Variants in LOC128706666 observed in about 807,000 individuals in gnomAD.
chr20:10,421,694 A>C, the LOC128706666 span, among the ~76,000 whole-genome samples: 3 of 151,996 alleles, frequency 2.0e-5, no homozygotes, highest in Admixed American at 2.0e-4. Flanking sequence ...GAAAACCCTA[A>C]CTTACAGGGT....
At chr20:10,418,965 C>T in the LOC128706666 span, among the ~76,000 whole-genome samples, 1 of 152,036 alleles carries the variant, frequency 6.6e-6, no homozygotes, top group Non-Finnish European at 1.5e-5. Context: ...TGTTAAGCTT[C>T]TATGTTACTA....
chr20:10,415,107 AG>A, the LOC128706666 span, among the ~76,000 whole-genome samples: 2 of 152,348 alleles, frequency 1.3e-5, no homozygotes, highest in East Asian at 3.9e-4. Context: ...GCTAAAAAAA[AG>A]TGTGCCTTGA....
the LOC128706666 span, among the ~76,000 whole-genome samples, chr20:10,423,317 G>A: frequency 2.0e-5 from 3 of 152,244 alleles, no homozygotes; most frequent in South Asian, 2.1e-4. Context: ...TGCGTGGGGG[G>A]TGCTGAGGTA....
At chr20:10,432,239 T>C in the LOC128706666 span, among the ~76,000 whole-genome samples, 22 of 152,360 alleles carry the variant, frequency 1.4e-4, no homozygotes, top group Non-Finnish European at 2.5e-4. Flanking sequence ...GAGAACATCC[T>C]TGAGACTTCA....
At chr20:10,427,579 T>C in the LOC128706666 span, among the ~76,000 whole-genome samples, 1 of 152,136 alleles carries the variant, frequency 6.6e-6, no homozygotes, top group Non-Finnish European at 1.5e-5. Context: ...CAAAAGTTAT[T>C]TTTTATCCTC....
At chr20:10,418,169 A>G in the LOC128706666 span, among the ~76,000 whole-genome samples, 1 of 152,242 alleles carries the variant, frequency 6.6e-6, no homozygotes, top group African/African-American at 2.4e-5. Context: ...ATACAAAAGG[A>G]CTACATAGTG....
the LOC128706666 span, among the ~76,000 whole-genome samples, chr20:10,423,075 A>G: frequency 6.6e-6 from 1 of 152,106 alleles, no homozygotes; most frequent in Non-Finnish European, 1.5e-5. Flanking sequence ...CATGATCATT[A>G]ACATAATTCA....
chr20:10,434,214 C>G, the LOC128706666 span: 1 of 152,274 alleles, frequency 6.6e-6, no homozygotes, highest in Non-Finnish European at 1.5e-5. Flanking sequence ...TCGCGTCGCG[C>G]GAGGGCACGG....
chr20:10,422,726 T>G, the LOC128706666 span, among the ~76,000 whole-genome samples: 230 of 151,926 alleles, frequency 1.5e-3, 1 homozygote, highest in African/African-American at 5.3e-3. Context: ...TTTTTTTTTT[T>G]TGTGAGACAG....
chr20:10,420,351 T>C, the LOC128706666 span, among the ~76,000 whole-genome samples: 2 of 152,184 alleles, frequency 1.3e-5, no homozygotes, highest in African/African-American at 4.8e-5. Context: ...GTCAAATGTC[T>C]CTGCACAACG....
chr20:10,420,597 T>C, the LOC128706666 span: 8 of 152,208 alleles, frequency 5.3e-5, no homozygotes, highest in African/African-American at 1.9e-4. Flanking sequence ...CCAGACTATC[T>C]TGCTCAGGAA....
chr20:10,426,789 T>C, the LOC128706666 span, among the ~76,000 whole-genome samples: 1 of 152,314 alleles, frequency 6.6e-6, no homozygotes, highest in East Asian at 1.9e-4. Flanking sequence ...CTTACAGTTC[T>C]GGAGGTAAGA....
the LOC128706666 span, among the ~76,000 whole-genome samples, chr20:10,431,520 G>C: frequency 3.5e-5 from 5 of 140,868 alleles, no homozygotes; most frequent in African/African-American, 1.2e-4. Context: ...ATGCTGTATA[G>C]GGTCAAAAAA....
the LOC128706666 span, among the ~76,000 whole-genome samples, chr20:10,432,741 T>C: frequency 2.4e-5 from 3 of 127,102 alleles, no homozygotes; most frequent in African/African-American, 8.9e-5. Context: ...GGTTGCACAG[T>C]GAGCAGAGAT....
the LOC128706666 span, among the ~76,000 whole-genome samples, chr20:10,423,965 A>G: frequency 6.6e-6 from 1 of 151,336 alleles, no homozygotes. Context: ...AATTCTCCAT[A>G]TCTCATATAT....
the LOC128706666 span, among the ~76,000 whole-genome samples, chr20:10,417,265 A>C: frequency 7.6e-6 from 1 of 131,808 alleles, no homozygotes; most frequent in Admixed American, 7.7e-5. Flanking sequence ...AAAAAAAAAA[A>C]TCAAAGGGGA....
chr20:10,430,031 C>CA, the LOC128706666 span, among the ~76,000 whole-genome samples: 928 of 114,428 alleles, frequency 8.1e-3, 6 homozygotes, highest in South Asian at 0.031. Flanking sequence ...TCTTGCAAAA[C>CA]AAAAAACAAA....
At chr20:10,420,203 A>C in the LOC128706666 span, among the ~76,000 whole-genome samples, 1 of 152,190 alleles carries the variant, frequency 6.6e-6, no homozygotes. Context: ...ATAGAAGAAA[A>C]TAATCTTGTA....
chr20:10,433,944 C>T, the LOC128706666 span, among the ~76,000 whole-genome samples: 2 of 152,214 alleles, frequency 1.3e-5, no homozygotes, highest in African/African-American at 2.4e-5. Flanking sequence ...GGTCTTTCGC[C>T]TCCTACAGAG....
Sources: allele counts gnomAD v4.1 joint callset (sites outside exome capture counted in the v4.1 genomes callset), GRCh38; gene constraint gnomAD v4.1.1; transcripts MANE v1.5.